Variants in MKLN1 observed in about 807,000 individuals in gnomAD.
MKLN1 encodes the protein muskelin.
A neutral mutation model predicts 99.0 loss-of-function variants in MKLN1; 18 were observed. The observed-to-expected ratio is 0.18, with a 90% CI of 0.13 to 0.27. The LOEUF (loss-of-function observed/expected upper bound fraction) is 0.27, where lower values mean the gene tolerates loss of function less well. Ranked by LOEUF, MKLN1 falls within the 10% of genes least tolerant of loss-of-function variation. MKLN1 has a pLI of 1.00. For synonymous variants in MKLN1, 288 were observed against 293.2 expected, an observed-to-expected ratio of 0.98 and a Z score of 0.18; for missense variants, 621 against 875.9, an observed-to-expected ratio of 0.71 and a Z score of 3.67.
rs766439564 is a variant in MKLN1 at position 131,164,945 on chromosome 7, C to T, written c.-297+22004C>T. Among the ~76,000 whole-genome samples, 10 of 152,256 alleles carry T rather than the reference C, an allele frequency of 6.6e-5. No individual in the cohort carries two copies. The East Asian group carries it at 1.2e-3, about 18-fold the overall frequency. ...AGGAGCAACAACGATGAACAAGACACGGATCCTCAAGGAGCTTATCACCTG... is the reference window on the plus strand; with the variant it reads ...AGGAGCAACAACGATGAACAAGACATGGATCCTCAAGGAGCTTATCACCTG... On this transcript the variant is annotated intron_variant, in intron 2 of 7. Transcript: ENST00000416992.
intron 2 of MKLN1, among the ~76,000 whole-genome samples, chr7:131,178,907 AT>A: frequency 6.6e-6 from 1 of 152,006 alleles, no homozygotes; most frequent in Admixed American, 6.5e-5. Flanking sequence ...GGTAACTGAT[AT>A]TTTTTTATTC....
chr7:131,451,619 C>T (rs1217110919), intron 12 of MKLN1, among the ~76,000 whole-genome samples: 1 of 152,146 alleles, frequency 6.6e-6, no homozygotes, highest in Admixed American at 6.5e-5. Context: ...TTTATGCTCT[C>T]CTCAGAAGAA....
chr7:131,313,959 G>T (rs529100090), intron 3 of MKLN1, among the ~76,000 whole-genome samples: 23 of 152,330 alleles, frequency 1.5e-4, no homozygotes, highest in African/African-American at 5.3e-4. Context: ...ATGGGACTGG[G>T]CTATGCAACA....
intron 2 of MKLN1, among the ~76,000 whole-genome samples, chr7:131,377,014 C>T (rs751181271): frequency 6.6e-6 from 1 of 151,978 alleles, no homozygotes; most frequent in Non-Finnish European, 1.5e-5. Flanking sequence ...TGTTCATTTT[C>T]ACTACCATAT....
intron 6 of MKLN1, among the ~76,000 whole-genome samples, chr7:131,409,866 T>C (rs1169244037): frequency 6.6e-6 from 1 of 152,230 alleles, no homozygotes; most frequent in African/African-American, 2.4e-5. Context: ...TCTTTCTTTC[T>C]CTGTGCTGTA....
chr7:131,396,321 C>T (rs918607217), intron 4 of MKLN1, among the ~76,000 whole-genome samples: 1 of 152,180 alleles, frequency 6.6e-6, no homozygotes, highest in African/African-American at 2.4e-5. Flanking sequence ...GATCCTCTTG[C>T]CACGGCCTCC....
At chr7:131,126,413 T>C (rs1423270987) in intron 1 of MKLN1, among the ~76,000 whole-genome samples, 1 of 152,238 alleles carries the variant, frequency 6.6e-6, no homozygotes, top group Non-Finnish European at 1.5e-5. Flanking sequence ...GTCATTTAAC[T>C]ATAGCATGTC....
At chr7:131,399,091 T>C in intron 5 of MKLN1, 150 bp from the exon 6 acceptor site, 2 of 640,636 alleles carry the variant, frequency 3.1e-6, no homozygotes, top group Non-Finnish European at 5.2e-6. Context: ...AGCCAAATAA[T>C]GATACCTAAT....
chr7:131,423,958 A>G (rs542870846), intron 8 of MKLN1, among the ~76,000 whole-genome samples: 1 of 152,354 alleles, frequency 6.6e-6, no homozygotes, highest in South Asian at 2.1e-4. Context: ...ATACAGTTCT[A>G]TTTAAAAAGG....
At chr7:131,322,594 C>T (rs1385365423) in intron 3 of MKLN1, among the ~76,000 whole-genome samples, 3 of 142,914 alleles carry the variant, frequency 2.1e-5, no homozygotes, top group Admixed American at 7.0e-5. Context: ...GACGGAGTCT[C>T]GCTCTGTCGC....
chr7:131,349,114 G>C (rs1247343878), intron 1 of MKLN1, among the ~76,000 whole-genome samples: 6 of 152,034 alleles, frequency 3.9e-5, no homozygotes, highest in Non-Finnish European at 7.4e-5. Flanking sequence ...GATATAATTA[G>C]ATGATAATGA....
intron 1 of MKLN1, among the ~76,000 whole-genome samples, chr7:131,138,546 T>C (rs1795685485): frequency 6.6e-6 from 1 of 152,180 alleles, no homozygotes. Flanking sequence ...TAGTCTAAAA[T>C]GGGTTATGAT....
chr7:131,131,089 C>T (rs549327119), intron 1 of MKLN1, among the ~76,000 whole-genome samples: 98 of 136,858 alleles, frequency 7.2e-4, no homozygotes, highest in Non-Finnish European at 1.1e-3. Flanking sequence ...GGTGTGGTGG[C>T]TCACACCTGT....
intron 3 of MKLN1, 127 bp downstream of exon 3, chr7:131,387,389 C>G (rs764002768): frequency 2.6e-6 from 2 of 764,004 alleles, no homozygotes; most frequent in Non-Finnish European, 3.9e-6. Flanking sequence ...TATTCTATCC[C>G]TAATGCCTTA....
rs144050830 is a variant in MKLN1 at position 131,316,255 on chromosome 7, G to A, written c.-178-59169G>A. Among the ~76,000 whole-genome samples, 775 of 152,320 alleles carry A rather than the reference G, an allele frequency of 5.1e-3. 6 individuals are homozygous for A. Among genetic ancestry groups the A allele is most frequent in the African/African-American group, 0.018 (744 of 41,574 alleles). On this transcript the variant is annotated intron_variant, in intron 3 of 7. Transcript: ENST00000416992. The stretch of plus-strand genomic sequence containing the variant: ...TCTGGGACAAAGCTTACAGAGGAAG[G>A]AGCAGGCAGCAATCTTTGCTGTTCT...
intron 11 of MKLN1, among the ~76,000 whole-genome samples, chr7:131,444,763 AAGTAGTAGTAGTAGTAGTAGT>A (rs60459266): frequency 2.5e-4 from 30 of 117,958 alleles, no homozygotes; most frequent in East Asian, 4.8e-4. Context: ...GTAGTAGAAG[AAGTAGTAGTAGTAGTAGTAGT>A]AGTAGTAGTA....
intron 3 of MKLN1, chr7:131,242,980 T>G: frequency 1.6e-6 from 1 of 627,096 alleles, no homozygotes; most frequent in South Asian, 1.4e-5. Context: ...AACAAGCGGT[T>G]CTTCCAGAAG....
In MKLN1 at chr7:131,490,848, A is replaced by G. The variant is rs1472710942; in HGVS notation, c.*3120A>G. 1 of 152,622 alleles carries G rather than the reference A, an allele frequency of 6.6e-6. No homozygotes were observed. The allele number at this position is 152,622 out of a possible 1,614,324, so 9.5% of individuals were successfully genotyped here. On this transcript the variant is annotated 3_prime_UTR_variant, in exon 18 of 18. Transcript: ENST00000352689. ...TGCCTTAAAAGTGCTATGTAGAGAT[A>G]CATTAACAGAGTTATAATAAAACAG...
At chr7:131,153,809 T>C (rs7795647) in intron 2 of MKLN1, among the ~76,000 whole-genome samples, 102,083 of 151,578 alleles carry the variant, frequency 0.67, 35,135 homozygotes, top group Non-Finnish European at 0.73. Context: ...ATTACAGGCG[T>C]GCACCACCAT....
Sources: gnomAD v4.1 joint callset for allele counts (sites outside exome capture counted in the v4.1 genomes callset) on GRCh38, gnomAD v4.1.1 for gene constraint, MANE v1.5 for transcripts, NCBI Gene and HGNC (gene_info 2026-07-23, HGNC 2026-07-21) for gene names.